The following RAP1GAP2 variants were observed in gnomAD, a reference collection of about 807,000 sequenced individuals.
RAP1GAP2 encodes RAP1 GTPase activating protein 2, also known as rap1 GTPase-activating protein 2.
RAP1GAP2 carries 27 observed loss-of-function variants against 95.0 expected under a neutral mutation model. The ratio of observed to expected loss-of-function variants is 0.28; its 90% CI spans 0.21 to 0.39. The LOEUF is 0.39. Ranked by LOEUF, RAP1GAP2 falls within the 10% of genes least tolerant of loss-of-function variation. RAP1GAP2 has a pLI of 1.00. For missense variants in RAP1GAP2, 771 were observed against 970.0 expected, an observed-to-expected ratio of 0.79 and a Z score of 2.72; for synonymous variants, 373 against 380.9, an observed-to-expected ratio of 0.98 and a Z score of 0.24.
In RAP1GAP2 at chr17:3,035,598, T is replaced by C. The variant is rs748195620; in HGVS notation, c.*2237T>C. On this transcript the variant is annotated 3_prime_UTR_variant, in exon 25 of 25. Transcript: ENST00000254695. This position sits in a 1 kb window ranked among gnomAD's most constrained non-coding sequence, Gnocchi z 4.3. The stretch of plus-strand genomic sequence containing the variant: ...TGGGGTCTCCATGCCCGGTTTGCTG[T>C]TGGAATGATCTGAACAGGACCCCAA... 6.6e-6 allele frequency: 1 copy of C among 152,472 alleles called. No homozygotes were observed. The highest frequency in any genetic ancestry group is 1.5e-5 in the Non-Finnish European group (1 of 68,258). The allele number at this position is 152,472 out of a possible 1,614,324, so 9.4% of individuals were successfully genotyped here.
chr17:2,772,225 T>C (rs539052923), upstream of RAP1GAP2, among the ~76,000 whole-genome samples: 2 of 152,290 alleles, frequency 1.3e-5, no homozygotes, highest in South Asian at 4.1e-4. Flanking sequence ...TGACCTCAGA[T>C]GATCCACCCA....
chr17:3,026,467 A>C lies in RAP1GAP2; in HGVS notation c.1980+3A>C. 6.5e-7 allele frequency: 1 copy of C among 1,545,658 alleles called. No homozygotes were observed. Among genetic ancestry groups the C allele is most frequent in the Non-Finnish European group, 8.7e-7 (1 of 1,143,536 alleles). On this transcript the variant is annotated splice_donor_region_variant and intron_variant, in intron 21 of 24. Transcript: ENST00000254695. ...CCATGGAGGAGGGCGACAGTGGGGT[A>C]GGTGTGCCCCGTCCACCCTTGGGCA... is the stretch of plus-strand genomic sequence containing the variant.
At chr17:2,802,924 T>A (rs1242116424) in intron 2 of RAP1GAP2, among the ~76,000 whole-genome samples, 1 of 152,176 alleles carries the variant, frequency 6.6e-6, no homozygotes, top group Non-Finnish European at 1.5e-5. Flanking sequence ...TCTCTGGGCT[T>A]TAGTTTCCAT....
intron 1 of RAP1GAP2, among the ~76,000 whole-genome samples, chr17:2,765,252 C>T (rs2068251549): frequency 6.6e-6 from 1 of 152,182 alleles, no homozygotes; most frequent in Admixed American, 6.6e-5. Flanking sequence ...GATGTTGCTG[C>T]CTGTCTTCTC....
At chr17:2,949,128 TC>T (rs2043820211) in intron 3 of RAP1GAP2, among the ~76,000 whole-genome samples, 1 of 152,180 alleles carries the variant, frequency 6.6e-6, no homozygotes, top group South Asian at 2.1e-4. Context: ...CAGACGGAGT[TC>T]CTCAGCTGAG....
At chr17:2,811,243 G>A (rs2069760445) in intron 2 of RAP1GAP2, among the ~76,000 whole-genome samples, 1 of 152,188 alleles carries the variant, frequency 6.6e-6, no homozygotes, top group African/African-American at 2.4e-5. Context: ...GCACCCTGCA[G>A]GAGCCCCATG....
chr17:2,986,461 G>A (rs1289164784), intron 11 of RAP1GAP2, among the ~76,000 whole-genome samples: 1 of 151,974 alleles, frequency 6.6e-6, no homozygotes, highest in African/African-American at 2.4e-5. Context: ...TACTGAACAT[G>A]AGCCATCCGT....
chr17:3,008,358 C>G lies in RAP1GAP2; in HGVS notation c.1494+213C>G, dbSNP rs1423914572. 6.6e-6 allele frequency among the ~76,000 whole-genome samples: 1 copy of G among 152,206 alleles called. No homozygotes were observed. The highest frequency in any genetic ancestry group is 1.5e-5 in the Non-Finnish European group (1 of 68,040). On this transcript the variant is annotated intron_variant, in intron 17 of 24. Transcript: ENST00000254695. The surrounding 1 kb of genome is among the most constrained non-coding windows in gnomAD (Gnocchi z 4.2). The stretch of plus-strand genomic sequence containing the variant: ...CCAGCAGTTTTCTCAGCAGCCTCCC[C>G]ATCCTTCCTCTATCTGGGTCATCTC...
intron 2 of RAP1GAP2, among the ~76,000 whole-genome samples, chr17:2,898,002 C>T (rs1216131763): frequency 5.3e-5 from 8 of 150,230 alleles, no homozygotes; most frequent in African/African-American, 1.7e-4. Context: ...CTCACTGTAG[C>T]CTTGATCTCC....
At chr17:2,818,317 A>G (rs1223565354) in intron 2 of RAP1GAP2, among the ~76,000 whole-genome samples, 3 of 146,048 alleles carry the variant, frequency 2.1e-5, no homozygotes, top group Non-Finnish European at 4.5e-5. Flanking sequence ...TTATTTATTT[A>G]TTTATTTATT....
At position 2,755,726 on chromosome 17, in the gene RAP1GAP2, CCGCCGGG is replaced by C; in HGVS notation, c.17_23del (p.Ala6GlyfsTer24). Reference sequence around the variant, plus strand: ...GAGCGGCCGGGCGAGGCATGGCGGGCCGCCGGGCGCCGGGGGAGAAGCGCTGGCAGCT... The same window carrying C: ...GAGCGGCCGGGCGAGGCATGGCGGGCCGCCGGGGGAGAAGCGCTGGCAGCT... On this transcript the variant is annotated frameshift_variant, in exon 1 of 26. Transcript: ENST00000637138. LOFTEE classifies it high-confidence loss of function. 1 of 337,612 alleles carries C rather than the reference CCGCCGGG, an allele frequency of 3.0e-6. No individual in the cohort carries two copies. Among genetic ancestry groups the C allele is most frequent in the Non-Finnish European group, 5.4e-6 (1 of 186,452 alleles). The allele number at this position is 337,612 out of a possible 1,614,324, so 20.9% of individuals were successfully genotyped here.
In RAP1GAP2 at chr17:2,816,468, G is replaced by A. The variant is rs146569367; in HGVS notation, c.80+15918G>A. Among the ~76,000 whole-genome samples, 1,196 of 152,060 alleles carry A rather than the reference G, an allele frequency of 7.9e-3. 13 individuals carry two copies. Among genetic ancestry groups the A allele is most frequent in the African/African-American group, 0.027 (1,138 of 41,480 alleles). On this transcript the variant is annotated intron_variant, in intron 2 of 24. Coordinates refer to ENST00000254695, the MANE Select transcript of RAP1GAP2 (RefSeq NM_015085.5). Reference sequence around the variant, plus strand: ...TTCTCCTGCCTCAGCCTCCTGAGTAGCTGGGATCACAGGCGCCCGACACCA... The same window carrying A: ...TTCTCCTGCCTCAGCCTCCTGAGTAACTGGGATCACAGGCGCCCGACACCA...
At chr17:2,993,109 C>T (rs947508753) in intron 12 of RAP1GAP2, among the ~76,000 whole-genome samples, 5 of 150,048 alleles carry the variant, frequency 3.3e-5, no homozygotes, top group Non-Finnish European at 5.9e-5. Flanking sequence ...GTCGTCCCAG[C>T]TACTTGGGAG....
chr17:2,816,175 TC>T (rs1026078574), intron 2 of RAP1GAP2, among the ~76,000 whole-genome samples: 8 of 151,538 alleles, frequency 5.3e-5, no homozygotes, highest in Non-Finnish European at 7.4e-5. Context: ...TCCGGGGGCA[TC>T]CTGCCTGCTA....
chr17:3,031,839 T>A (rs12947227), intron 23 of RAP1GAP2, among the ~76,000 whole-genome samples: 5,505 of 107,902 alleles, frequency 0.051, 179 homozygotes, highest in Non-Finnish European at 0.07. Context: ...TCCTGAGCTC[T>A]CCAGACTATC....
At chr17:2,920,591 G>A (rs1012278813) in intron 3 of RAP1GAP2, among the ~76,000 whole-genome samples, 1 of 152,170 alleles carries the variant, frequency 6.6e-6, no homozygotes, top group African/African-American at 2.4e-5. Context: ...TGTGGACCTC[G>A]GTTTCCTCAT....
At chr17:2,956,573 A>G (rs1177441414) in intron 3 of RAP1GAP2, among the ~76,000 whole-genome samples, 1 of 152,188 alleles carries the variant, frequency 6.6e-6, no homozygotes, top group East Asian at 1.9e-4. Context: ...TCTCGTCTTC[A>G]CTGGGGACTG....
intron 2 of RAP1GAP2, among the ~76,000 whole-genome samples, chr17:2,901,077 A>C (rs903851630): frequency 1.2e-4 from 18 of 151,790 alleles, no homozygotes; most frequent in Non-Finnish European, 2.5e-4. Flanking sequence ...CTCAGCTTCC[A>C]CTCCAGGCCC....
upstream of RAP1GAP2, among the ~76,000 whole-genome samples, chr17:2,774,070 C>A (rs2068447569): frequency 6.6e-6 from 1 of 152,186 alleles, no homozygotes; most frequent in East Asian, 1.9e-4. Context: ...GTAGTAGACA[C>A]AATTTAACAG....
Sources: gnomAD v4.1 joint callset for allele counts (sites outside exome capture counted in the v4.1 genomes callset) on GRCh38, gnomAD v4.1.1 for gene constraint, Gnocchi (gnomAD v3.1) non-coding constraint, MANE v1.5 for transcripts, NCBI Gene and HGNC (gene_info 2026-07-23, HGNC 2026-07-21) for gene names.